The following SLIT3 variants were observed in gnomAD, a reference collection of about 807,000 sequenced individuals.
The protein encoded by SLIT3 is slit homolog 3 protein.
SLIT3 carries 68 observed loss-of-function variants against 184.0 expected under a neutral mutation model. The ratio of observed to expected loss-of-function variants is 0.37; its 90% CI spans 0.30 to 0.45. SLIT3 has a LOEUF of 0.45. SLIT3 is among the 20% of genes least tolerant of loss of function. SLIT3 has a pLI of 1.00. For synonymous variants in SLIT3, 831 were observed against 828.6 expected, an observed-to-expected ratio of 1.00 and a Z score of -0.05; for missense variants, 1,707 against 2,026.0, an observed-to-expected ratio of 0.84 and a Z score of 3.02.
intron 1 of SLIT3, among the ~76,000 whole-genome samples, chr5:169,281,875 T>TCCC (rs5873169): frequency 2.0e-5 from 3 of 151,950 alleles, no homozygotes; most frequent in Non-Finnish European, 4.4e-5. Context: ...GAGGTAATTT[T>TCCC]CCCCCCCAGG....
chr5:168,668,827 C>G (rs1016140724), intron 35 of SLIT3, among the ~76,000 whole-genome samples: 1 of 152,190 alleles, frequency 6.6e-6, no homozygotes, highest in Admixed American at 6.5e-5. Context: ...CTCTGTCACC[C>G]AGGTTGATCT....
chr5:168,952,627 TGAA>T (rs1350813813), intron 4 of SLIT3, among the ~76,000 whole-genome samples: 1 of 129,570 alleles, frequency 7.7e-6, no homozygotes, highest in African/African-American at 3.3e-5. Context: ...GGAACTACCA[TGAA>T]GAAGAAAGAA....
intron 6 of SLIT3, 65 bp from the exon 7 acceptor site, chr5:168,823,396 AG>A: frequency 8.5e-7 from 1 of 1,180,966 alleles, no homozygotes; most frequent in Non-Finnish European, 1.3e-6. Flanking sequence ...AGATGCTTGT[AG>A]TAGGTCGGGG....
At chr5:169,229,006 C>T (rs1193451311) in intron 3 of SLIT3, among the ~76,000 whole-genome samples, 1 of 152,194 alleles carries the variant, frequency 6.6e-6, no homozygotes, top group African/African-American at 2.4e-5. Context: ...TCTCAGCTCT[C>T]TCGTTAAAGG....
intron 4 of SLIT3, among the ~76,000 whole-genome samples, chr5:169,089,371 T>C (rs1243416219): frequency 1.3e-5 from 2 of 152,192 alleles, no homozygotes; most frequent in Non-Finnish European, 2.9e-5. Flanking sequence ...CACGTGCTAC[T>C]TCATTTCTTG....
intron 28 of SLIT3, among the ~76,000 whole-genome samples, chr5:168,693,464 C>T (rs1761965575): frequency 6.6e-6 from 1 of 152,214 alleles, no homozygotes; most frequent in African/African-American, 2.4e-5. Context: ...CAGATAAGCC[C>T]TGAAAAGCTT....
intron 3 of SLIT3, among the ~76,000 whole-genome samples, chr5:169,194,809 A>G (rs1763687564): frequency 6.6e-6 from 1 of 152,130 alleles, no homozygotes; most frequent in Non-Finnish European, 1.5e-5. Flanking sequence ...CTAAACACCC[A>G]CAGAAAGGCT....
chr5:168,921,324 T>A lies in SLIT3; in HGVS notation c.414-37988A>T, dbSNP rs751450711. 3.3e-4 allele frequency among the ~76,000 whole-genome samples: 50 copies of A among 152,178 alleles called. 1 individual carries two copies. The highest frequency in any genetic ancestry group is 5.9e-4 in the Non-Finnish European group (40 of 68,034). On this transcript the variant is annotated intron_variant, in intron 4 of 35. Coordinates refer to ENST00000519560, the MANE Select transcript of SLIT3 (RefSeq NM_003062.4). ...CAAGGCGCATACCCAGGCTCATCCA[T>A]TCACCTCACGTACAAAATGAAGAGG...
At chr5:168,839,125 C>T (rs1357845041) in intron 6 of SLIT3, among the ~76,000 whole-genome samples, 2 of 152,160 alleles carry the variant, frequency 1.3e-5, no homozygotes, top group Admixed American at 6.5e-5. Flanking sequence ...ATGAGGGATT[C>T]GTGATTGCCT....
At chr5:169,210,027 T>C (rs1423015761) in intron 3 of SLIT3, among the ~76,000 whole-genome samples, 1 of 152,172 alleles carries the variant, frequency 6.6e-6, no homozygotes, top group Non-Finnish European at 1.5e-5. Flanking sequence ...TAAGACCTCC[T>C]CCTTAAGGAA....
intron 29 of SLIT3, 85 bp from the exon 30 acceptor site, chr5:168,687,201 C>T (rs1761774304): frequency 2.0e-6 from 3 of 1,500,278 alleles, no homozygotes; most frequent in Non-Finnish European, 2.8e-6. Context: ...CAGCAGGTGG[C>T]CTCTCCCCAT....
chr5:168,715,701 C>A (rs903639283), intron 23 of SLIT3, among the ~76,000 whole-genome samples: 16 of 152,200 alleles, frequency 1.1e-4, no homozygotes. Flanking sequence ...TTGAGACAGT[C>A]TCACTTTGTT....
At chr5:169,019,522 T>C (rs1189194378) in intron 4 of SLIT3, among the ~76,000 whole-genome samples, 2 of 152,240 alleles carry the variant, frequency 1.3e-5, no homozygotes. Flanking sequence ...GCTTTGCATA[T>C]GCACGGTATC....
At position 168,975,940 on chromosome 5, in the gene SLIT3, T is replaced by C. The variant is rs973492226; in HGVS notation, c.414-92604A>G. 2.0e-5 allele frequency among the ~76,000 whole-genome samples: 3 copies of C among 152,260 alleles called. No individual in the cohort carries two copies. In the East Asian group the frequency reaches 5.8e-4, roughly 29 times the overall value. On this transcript the variant is annotated intron_variant, in intron 4 of 35. Transcript: ENST00000519560. The stretch of plus-strand genomic sequence containing the variant: ...ACAGAGATTAACTTCTACGATCAAC[T>C]CTATCCCTGTAAAAGCCAAAGCAGG...
At chr5:168,689,815 G>A (rs540023767) in intron 29 of SLIT3, among the ~76,000 whole-genome samples, 32 of 152,296 alleles carry the variant, frequency 2.1e-4, no homozygotes, top group African/African-American at 7.0e-4. Flanking sequence ...GTTTGGTGAT[G>A]GGAGATGAAG....
intron 4 of SLIT3, among the ~76,000 whole-genome samples, chr5:168,998,537 C>T (rs1391735391): frequency 6.6e-6 from 1 of 151,992 alleles, no homozygotes; most frequent in Non-Finnish European, 1.5e-5. Context: ...AACCCCGTCT[C>T]TACTAAAAAT....
chr5:169,224,926 C>T (rs1376261283), intron 3 of SLIT3, among the ~76,000 whole-genome samples: 4 of 152,142 alleles, frequency 2.6e-5, no homozygotes, highest in African/African-American at 4.8e-5. Context: ...TCAAGTGATC[C>T]GCCCATCTTG....
chr5:169,036,466 A>C (rs1757253995), intron 4 of SLIT3: 1 of 152,210 alleles, frequency 6.6e-6, no homozygotes, highest in Non-Finnish European at 1.5e-5. Context: ...AGGGGCATGA[A>C]ATCGGATGTT....
In SLIT3 at chr5:168,669,938, G is replaced by A; in HGVS notation, c.4181C>T (p.Ala1394Val). The change falls in exon 35 of 36, where the codon GCC (alanine) becomes GTC (valine). Residue 1394 changes from alanine (A) to valine (V), a missense_variant. Physicochemically the swap from Ala to Val is moderately conservative, Grantham distance 64. This residue lies in a region of SLIT3 where 387 missense variants were observed against 477.9 expected (regional missense o/e 0.81). Transcript: ENST00000519560. Reference protein sequence around the residue: ...ATGTSYMCKCAEGYGGDLCDN... With the variant: ...ATGTSYMCKCVEGYGGDLCDN... ...ACACAAGTCCCCTCCATAGCCCTCGGCACACTTGCACATGTATGAGGTCCC... is the reference window on the plus strand; with the variant it reads ...ACACAAGTCCCCTCCATAGCCCTCGACACACTTGCACATGTATGAGGTCCC... 1.9e-6 allele frequency: 3 copies of A among 1,614,148 alleles called. No individual in the cohort carries two copies. The highest frequency in any genetic ancestry group is 1.1e-5 in the South Asian group (1 of 91,080).
Sources: gnomAD v4.1 joint callset for allele counts (sites outside exome capture counted in the v4.1 genomes callset) on GRCh38, gnomAD v4.1.1 for gene constraint, gnomAD v4.1.1 regional missense constraint, MANE v1.5 for transcripts, NCBI Gene and HGNC (gene_info 2026-07-23, HGNC 2026-07-21) for gene names.